The following TENM1 variants were observed in gnomAD, a reference collection of about 807,000 sequenced individuals.
TENM1 encodes the protein teneurin transmembrane protein 1, also known as teneurin-1.
In TENM1, 35 loss-of-function variants were observed where a neutral mutation model predicts 174.8. That is an observed-to-expected ratio of 0.20 (90% CI 0.15 to 0.27). TENM1 has a LOEUF of 0.27. Ranked by LOEUF, TENM1 falls within the 10% of genes least tolerant of loss-of-function variation. TENM1 has a pLI of 1.00. For synonymous variants in TENM1, 781 were observed against 798.7 expected (o/e 0.98, Z 0.37); for missense variants, 1,633 against 2,130.1 (o/e 0.77, Z 4.59).
At chrX:124,934,341 T>C (rs960951507) in intron 1 of TENM1, among the ~76,000 whole-genome samples, 11 of 112,190 alleles carry the variant, frequency 9.8e-5, no homozygotes, top group Admixed American at 7.6e-4. Context: ...GAAAATGCAA[T>C]TCTTACTAAC....
chrX:125,101,700 C>T, the TENM1 span, among the ~76,000 whole-genome samples: 17 of 111,890 alleles, frequency 1.5e-4, no homozygotes, highest in African/African-American at 5.2e-4. Context: ...TTCTGTGGTT[C>T]GCTACTACAT....
chrX:124,859,690 A>G (rs1054152126), intron 3 of TENM1, among the ~76,000 whole-genome samples: 1 of 112,089 alleles, frequency 8.9e-6, no homozygotes, highest in African/African-American at 3.2e-5. Context: ...AGTCATATTC[A>G]TAATGCAGTT....
chrX:124,701,671 T>C (rs1226196204), intron 5 of TENM1, among the ~76,000 whole-genome samples: 1 of 112,371 alleles, frequency 8.9e-6, no homozygotes, highest in African/African-American at 3.2e-5. Context: ...AGCCATTCCA[T>C]GCTATCTTCA....
At chrX:125,162,993 C>G in the TENM1 span, among the ~76,000 whole-genome samples, 173 of 111,660 alleles carry the variant, frequency 1.5e-3, 2 homozygotes, top group Admixed American at 4.2e-3. Flanking sequence ...TCTCTTCTCA[C>G]TCTCAGTATT....
At chrX:124,829,657 T>A (rs1308344555) in intron 3 of TENM1, among the ~76,000 whole-genome samples, 2 of 112,098 alleles carry the variant, frequency 1.8e-5, no homozygotes, top group Non-Finnish European at 3.8e-5. Flanking sequence ...ACTAGTGGCC[T>A]CTACTTTAAA....
At chrX:125,010,533 G>T in the TENM1 span, among the ~76,000 whole-genome samples, 10 of 108,964 alleles carry the variant, frequency 9.2e-5, no homozygotes, top group Non-Finnish European at 3.8e-5. Flanking sequence ...AAAAAAAACA[G>T]GCCGGGCGCA....
At chrX:124,759,852 T>C (rs1478968194) in intron 3 of TENM1, among the ~76,000 whole-genome samples, 1 of 111,917 alleles carries the variant, frequency 8.9e-6, no homozygotes, top group African/African-American at 3.3e-5. Flanking sequence ...ATTGACTGGG[T>C]GGCTAAAACA....
chrX:124,834,855 T>C (rs1426657140), intron 3 of TENM1, among the ~76,000 whole-genome samples: 1 of 112,186 alleles, frequency 8.9e-6, no homozygotes, highest in African/African-American at 3.2e-5. Flanking sequence ...ATCAACTACC[T>C]TGTCTCCAGA....
chrX:124,551,340 C>A (rs967717978), intron 14 of TENM1, among the ~76,000 whole-genome samples: 4 of 111,183 alleles, frequency 3.6e-5, no homozygotes, highest in Admixed American at 2.9e-4. Flanking sequence ...AAGTAGACAA[C>A]CGCATGGTGG....
At chrX:124,905,569 A>G (rs1340068014) in intron 1 of TENM1, among the ~76,000 whole-genome samples, 2 of 111,756 alleles carry the variant, frequency 1.8e-5, no homozygotes, top group East Asian at 5.6e-4. Context: ...AATGAAGGAC[A>G]ACAATCCCTG....
the TENM1 span, among the ~76,000 whole-genome samples, chrX:125,166,165 T>C: frequency 2.7e-5 from 3 of 111,324 alleles, no homozygotes; most frequent in East Asian, 5.6e-4. Flanking sequence ...GAAAACAACA[T>C]GTAAGTTCAA....
chrX:125,019,333 T>G, the TENM1 span, among the ~76,000 whole-genome samples: 1 of 111,190 alleles, frequency 9.0e-6, no homozygotes, highest in Non-Finnish European at 1.9e-5. Flanking sequence ...GAAGCAAAAA[T>G]TAAATATAAA....
intron 5 of TENM1, among the ~76,000 whole-genome samples, chrX:124,691,591 C>A (rs777800318): frequency 2.7e-4 from 30 of 111,995 alleles, no homozygotes; most frequent in Non-Finnish European, 5.3e-4. Context: ...TTGCCACTTA[C>A]AGTTTTTTAC....
At chrX:125,031,937 A>C in the TENM1 span, among the ~76,000 whole-genome samples, 1 of 111,843 alleles carries the variant, frequency 8.9e-6, no homozygotes, top group Non-Finnish European at 1.9e-5. Context: ...TGGTACTAGA[A>C]GGGCAAGGAG....
At chrX:124,471,397 A>ATATATATTATAATATATAGTAATATAT (rs2061321573) in intron 22 of TENM1, among the ~76,000 whole-genome samples, 1 of 27,721 alleles carries the variant, frequency 3.6e-5, no homozygotes, top group African/African-American at 1.5e-4. Flanking sequence ...ACTATATATA[A>ATATATATTATAATATATAGTAATATAT]TATATATTAT....
At chrX:124,575,177 T>C (rs1043720302) in intron 11 of TENM1, among the ~76,000 whole-genome samples, 8 of 112,118 alleles carry the variant, frequency 7.1e-5, no homozygotes, top group Admixed American at 1.9e-4. Context: ...ATACCATCTC[T>C]AACCAATCTT....
rs149378046 is a variant in TENM1, at chrX:124,842,624, T to A, written c.535+51672A>T. 8.3e-3 allele frequency among the ~76,000 whole-genome samples: 924 copies of A among 110,871 alleles called. 7 individuals are homozygous for A. Among genetic ancestry groups the A allele is most frequent in the African/African-American group, 0.029 (877 of 30,497 alleles). ...CTCTTCTGGCATGCAGATAGCCACC[T>A]TTTTACTGCGTATTCACAGGGTGGA... On this transcript the variant is annotated intron_variant, in intron 3 of 31. Transcript: ENST00000422452.
At chrX:124,992,625 G>A in the TENM1 span, among the ~76,000 whole-genome samples, 26 of 111,015 alleles carry the variant, frequency 2.3e-4, no homozygotes, top group Admixed American at 2.3e-3. Flanking sequence ...TCGGTTGACC[G>A]TAGGTTATAA....
At chrX:124,414,573 A>T (rs1364351438) in intron 25 of TENM1, among the ~76,000 whole-genome samples, 1 of 110,581 alleles carries the variant, frequency 9.0e-6, no homozygotes, top group African/African-American at 3.3e-5. Flanking sequence ...GACACTTGGG[A>T]CACTCATGGG....
Sources: gnomAD v4.1 joint callset for allele counts (sites outside exome capture counted in the v4.1 genomes callset) on GRCh38, gnomAD v4.1.1 for gene constraint, MANE v1.5 for transcripts, NCBI Gene and HGNC (gene_info 2026-07-23, HGNC 2026-07-21) for gene names.